CFAP20DC: variants seen among roughly 807,000 people sequenced by gnomAD.
CFAP20DC encodes the protein CFAP20 domain containing.
In CFAP20DC, 84 loss-of-function variants were observed where a neutral mutation model predicts 101.7. That is an observed-to-expected ratio of 0.83 (90% CI 0.69 to 0.99). The LOEUF is 0.99. CFAP20DC is among the 50% of genes least tolerant of loss of function. The pLI is 0.00. For missense variants in CFAP20DC, 1,007 were observed against 970.3 expected (o/e 1.04, Z -0.50); for synonymous variants, 359 against 351.2 (o/e 1.02, Z -0.25).
Position 58,728,877 on chromosome 3 carries a change from C to T in CFAP20DC, c.198-11249G>A, listed in dbSNP as rs1169536553. On this transcript the variant is annotated intron_variant, in intron 3 of 3. Coordinates refer to the CFAP20DC transcript ENST00000486145. This position sits in a 1 kb window ranked among gnomAD's most constrained non-coding sequence, Gnocchi z 4.7. ...CTGTGTAAATTTGGTGCAGTCTCTA[C>T]CGCATTGACTCAGAGCTGGTCTGTG... 2.6e-5 allele frequency among the ~76,000 whole-genome samples: 4 copies of T among 152,132 alleles called. No homozygotes were observed. Among genetic ancestry groups the T allele is most frequent in the African/African-American group, 7.2e-5 (3 of 41,414 alleles).
At chr3:58,797,612 T>C (rs2073354802) in intron 15 of CFAP20DC, among the ~76,000 whole-genome samples, 1 of 152,168 alleles carries the variant, frequency 6.6e-6, no homozygotes, top group Non-Finnish European at 1.5e-5. Flanking sequence ...GCTACAATCA[T>C]TGATGAAGGT....
chr3:58,802,723 G>A (rs1054504616), intron 15 of CFAP20DC, among the ~76,000 whole-genome samples: 1 of 152,188 alleles, frequency 6.6e-6, no homozygotes, highest in Non-Finnish European at 1.5e-5. Context: ...GTGAGTGAAA[G>A]TGAATGACTT....
In CFAP20DC at chr3:58,877,373, G is replaced by A. The variant is rs532500328; in HGVS notation, c.716-7064C>T. 2.0e-5 allele frequency among the ~76,000 whole-genome samples: 3 copies of A among 152,328 alleles called. No homozygotes were observed. The South Asian group carries it at 6.2e-4, about 32-fold the overall frequency. On this transcript the variant is annotated intron_variant, in intron 7 of 16. Coordinates refer to ENST00000482387, the MANE Select transcript of CFAP20DC (RefSeq NM_001394063.1). ...TTATAGCTGTGATAAGAGCTATGAA[G>A]GAACAGTCTGAAAGGTTCTAAGTGT...
chr3:58,903,447 T>C (rs376695474), intron 6 of CFAP20DC, among the ~76,000 whole-genome samples: 4 of 152,132 alleles, frequency 2.6e-5, no homozygotes, highest in African/African-American at 9.7e-5. Context: ...AAATGTATGG[T>C]TTGTGTATTA....
intron 14 of CFAP20DC, among the ~76,000 whole-genome samples, chr3:58,822,061 C>T (rs1308061849): frequency 6.4e-5 from 9 of 140,126 alleles, no homozygotes; most frequent in South Asian, 2.4e-4. Flanking sequence ...AACCAAACAC[C>T]GCATATTCTC....
chr3:58,863,595 G>A lies in CFAP20DC; in HGVS notation c.1556C>T (p.Ser519Leu), dbSNP rs1369438708. ...GTCGCCGCCGTAAAAATCATCCTCT[G>A]ATTGGGTGTCTCTGCTTGTCACACT... is the stretch of plus-strand genomic sequence containing the variant. ...DNSVTSRDTQ[S>L]EDDFYGGDSS... The change falls in exon 12 of 17, where the codon TCA (serine) becomes TTA (leucine). Residue 519 changes from serine to leucine, a missense_variant. Physicochemically the swap from Ser to Leu is moderately radical, Grantham distance 145. Coordinates refer to ENST00000482387, the MANE Select transcript of CFAP20DC (RefSeq NM_001394063.1). This position sits in a 1 kb window ranked among gnomAD's most constrained non-coding sequence, Gnocchi z 5.9. The A allele has an allele frequency of 6.2e-7, 1 of 1,614,134 alleles. No homozygotes were observed. The highest frequency in any genetic ancestry group is 1.1e-5 in the South Asian group (1 of 91,072).
At chr3:58,883,594 T>G (rs2081381023) in intron 7 of CFAP20DC, among the ~76,000 whole-genome samples, 1 of 152,192 alleles carries the variant, frequency 6.6e-6, no homozygotes, top group African/African-American at 2.4e-5. Context: ...CTTATTTATA[T>G]AAGTATAGGT....
chr3:58,807,948 G>A (rs1442175412), intron 14 of CFAP20DC, among the ~76,000 whole-genome samples: 5 of 151,904 alleles, frequency 3.3e-5, no homozygotes, highest in Admixed American at 2.0e-4. Context: ...GTGATCAACT[G>A]GAAGAAAGGG....
intron 4 of CFAP20DC, among the ~76,000 whole-genome samples, chr3:59,038,607 TG>T (rs1316638383): frequency 6.6e-6 from 1 of 152,182 alleles, no homozygotes; most frequent in East Asian, 1.9e-4. Flanking sequence ...GTCACATTTT[TG>T]TAATTCCTGC....
intron 6 of CFAP20DC, among the ~76,000 whole-genome samples, chr3:58,887,824 AAGG>A (rs2081783848): frequency 6.6e-6 from 1 of 152,222 alleles, no homozygotes; most frequent in African/African-American, 2.4e-5. Flanking sequence ...CCTGCAATAA[AAGG>A]AGAAATGTTT....
chr3:58,718,086 T>C (rs979465013), intron 3 of CFAP20DC, among the ~76,000 whole-genome samples: 1 of 152,216 alleles, frequency 6.6e-6, no homozygotes, highest in South Asian at 2.1e-4. Context: ...GTGCCTGGCC[T>C]GGTTAGGTAT....
chr3:58,765,500 A>C (rs1054588408), intron 15 of CFAP20DC, among the ~76,000 whole-genome samples: 45 of 151,124 alleles, frequency 3.0e-4, no homozygotes, highest in African/African-American at 9.7e-4. Flanking sequence ...CAAAAAAAAA[A>C]AAAAAAACAA....
chr3:58,856,998 A>T (rs1393256899), intron 12 of CFAP20DC, among the ~76,000 whole-genome samples: 2 of 152,192 alleles, frequency 1.3e-5, no homozygotes, highest in Admixed American at 1.3e-4. Flanking sequence ...TAGAAACTGG[A>T]GGTGTTTTCA....
rs575286678 is a variant in CFAP20DC at position 58,762,793 on chromosome 3, A to G, written c.2238-8930T>C. Reference sequence around the variant, plus strand: ...AAAGGATTTTATTTCTCCTTCACTTATGAAGCTTAGTTTGGCTGGATATGA... The same window carrying G: ...AAAGGATTTTATTTCTCCTTCACTTGTGAAGCTTAGTTTGGCTGGATATGA... On this transcript the variant is annotated intron_variant, in intron 15 of 16. Transcript: ENST00000482387. Among the ~76,000 whole-genome samples, 116 of 152,294 alleles carry G rather than the reference A, an allele frequency of 7.6e-4. 1 individual carries two copies. Among genetic ancestry groups the G allele is most frequent in the African/African-American group, 2.7e-3 (112 of 41,560 alleles).
intron 4 of CFAP20DC, among the ~76,000 whole-genome samples, chr3:58,972,503 G>A (rs2092007924): frequency 6.6e-6 from 1 of 152,140 alleles, no homozygotes; most frequent in African/African-American, 2.4e-5. Context: ...ATTATGGATT[G>A]CATTAGTGAA....
At chr3:58,809,124 T>C (rs2074379348) in intron 14 of CFAP20DC, among the ~76,000 whole-genome samples, 1 of 152,138 alleles carries the variant, frequency 6.6e-6, no homozygotes, top group East Asian at 1.9e-4. Context: ...TGGGAGACTT[T>C]AGCACCCCAC....
At chr3:58,876,716 AT>A (rs2080781773) in intron 7 of CFAP20DC, among the ~76,000 whole-genome samples, 1 of 152,208 alleles carries the variant, frequency 6.6e-6, no homozygotes, top group African/African-American at 2.4e-5. Context: ...TATTATAGTC[AT>A]TTAAATTTGC....
rs1263704867 is a variant in CFAP20DC, at chr3:58,721,964, C to A, written c.198-4336G>T. 6.6e-6 allele frequency among the ~76,000 whole-genome samples: 1 copy of A among 152,212 alleles called. No homozygotes were observed. Among genetic ancestry groups the A allele is most frequent in the East Asian group, 1.9e-4 (1 of 5,200 alleles). ...GAGCCTGGGCTGGCCTGAACTGTAA[C>A]CAAGAGGATGTGGTGGAAGAGAAGC... On this transcript the variant is annotated intron_variant, in intron 3 of 3. Transcript: ENST00000486145. This position sits in a 1 kb window ranked among gnomAD's most constrained non-coding sequence, Gnocchi z 5.2.
chr3:59,002,113 GT>G lies in CFAP20DC; in HGVS notation c.278+37443del, dbSNP rs2108762889. 6.6e-6 allele frequency among the ~76,000 whole-genome samples: 1 copy of G among 152,344 alleles called. No homozygotes were observed. The highest frequency in any genetic ancestry group is 1.9e-4 in the East Asian group (1 of 5,192). On this transcript the variant is annotated intron_variant, in intron 4 of 16. Coordinates refer to ENST00000482387, the MANE Select transcript of CFAP20DC (RefSeq NM_001394063.1). The surrounding 1 kb of genome is among the most constrained non-coding windows in gnomAD (Gnocchi z 4.5). ...GATTGTCAGAGCCTGAAAGAACTGA[GT>G]TGGGGATCCCAGCTCTGTTATCCCA...
Sources: allele counts gnomAD v4.1 joint callset (sites outside exome capture counted in the v4.1 genomes callset), GRCh38; gene constraint gnomAD v4.1.1; non-coding constraint Gnocchi (gnomAD v3.1); transcripts MANE v1.5; gene names NCBI Gene and HGNC (gene_info 2026-07-23, HGNC 2026-07-21).